Variants in CDH17 observed in about 807,000 individuals in gnomAD.
CDH17 encodes the protein cadherin 17.
CDH17 carries 67 observed loss-of-function variants against 86.3 expected under a neutral mutation model. That is an observed-to-expected ratio of 0.78 (90% CI 0.64 to 0.95). The LOEUF is 0.95. Among genes scored for constraint, CDH17 ranks in the 40% least tolerant of loss-of-function variants. CDH17 has a pLI of 0.00. For missense variants in CDH17, 993 were observed against 1,017.6 expected, an observed-to-expected ratio of 0.98 and a Z score of 0.33; for synonymous variants, 367 against 366.4, an observed-to-expected ratio of 1.00 and a Z score of -0.02.
intron 14 of CDH17, among the ~76,000 whole-genome samples, chr8:94,146,415 C>T (rs1471205239): frequency 6.6e-6 from 1 of 152,200 alleles, no homozygotes; most frequent in Non-Finnish European, 1.5e-5. Context: ...AAACTGAGCT[C>T]AGAAGTTGTG....
At chr8:94,176,741 A>C in intron 4 of CDH17, 62 bp from the exon 5 acceptor site, 3 of 1,523,944 alleles carry the variant, frequency 2.0e-6, no homozygotes, top group Non-Finnish European at 2.7e-6. Context: ...ATGCCCAAAA[A>C]TCACTTGAAG....
intron 15 of CDH17, among the ~76,000 whole-genome samples, chr8:94,131,512 T>C (rs1812414996): frequency 6.6e-6 from 1 of 152,194 alleles, no homozygotes; most frequent in Non-Finnish European, 1.5e-5. Context: ...TGGTGGAAAA[T>C]AATTGCAGTT....
chr8:94,143,015 G>T (rs1300101669), intron 15 of CDH17, among the ~76,000 whole-genome samples: 2 of 152,158 alleles, frequency 1.3e-5, no homozygotes, highest in African/African-American at 4.8e-5. Flanking sequence ...TGTTCTTGAT[G>T]ATATCTAAAC....
intron 3 of CDH17, among the ~76,000 whole-genome samples, chr8:94,186,943 G>A (rs1243775551): frequency 6.6e-6 from 1 of 150,702 alleles, no homozygotes; most frequent in Non-Finnish European, 1.5e-5. Flanking sequence ...CCACATGCCA[G>A]CTGTCATTTT....
At chr8:94,152,733 C>G (rs1438958477) in intron 12 of CDH17, among the ~76,000 whole-genome samples, 4 of 152,150 alleles carry the variant, frequency 2.6e-5, no homozygotes. Context: ...GTTCTAGAGG[C>G]TGGAAAGCCT....
chr8:94,153,417 G>A (rs1275844228), intron 12 of CDH17, among the ~76,000 whole-genome samples: 1 of 152,176 alleles, frequency 6.6e-6, no homozygotes, highest in Non-Finnish European at 1.5e-5. Context: ...TGGTAAGAAT[G>A]TAAATTACAA....
At chr8:94,166,435 C>T (rs1004432147) in intron 9 of CDH17, among the ~76,000 whole-genome samples, 5 of 152,208 alleles carry the variant, frequency 3.3e-5, no homozygotes, top group African/African-American at 7.2e-5. Context: ...TCTTTTAAAA[C>T]CTTATCTCCA....
chr8:94,189,946 TA>T (rs1813655664), intron 2 of CDH17, among the ~76,000 whole-genome samples: 1 of 152,230 alleles, frequency 6.6e-6, no homozygotes, highest in Non-Finnish European at 1.5e-5. Context: ...CTTTAAGCAG[TA>T]GCCCCACAAT....
At chr8:94,165,355 C>A (rs1813131680) in intron 10 of CDH17, among the ~76,000 whole-genome samples, 1 of 152,202 alleles carries the variant, frequency 6.6e-6, no homozygotes, top group Non-Finnish European at 1.5e-5. Flanking sequence ...TTTCCTCAGA[C>A]TGTCCTAGTC....
chr8:94,138,400 T>C (rs1419522998), intron 15 of CDH17, among the ~76,000 whole-genome samples: 1 of 152,208 alleles, frequency 6.6e-6, no homozygotes, highest in Non-Finnish European at 1.5e-5. Context: ...AATTTTATAA[T>C]TGCCTCAGCT....
chr8:94,189,323 A>G (rs1813641856), intron 2 of CDH17, 38 bp from the exon 3 acceptor site: 1 of 1,442,114 alleles, frequency 6.9e-7, no homozygotes, highest in Non-Finnish European at 9.7e-7. Flanking sequence ...ATCTTGTATG[A>G]AGTGTCTGTG....
At chr8:94,128,931 T>C (rs1010042662) in intron 17 of CDH17, among the ~76,000 whole-genome samples, 7 of 152,194 alleles carry the variant, frequency 4.6e-5, no homozygotes, top group African/African-American at 9.6e-5. Flanking sequence ...AAAATTACAC[T>C]GTGCAGCTCA....
intron 1 of CDH17, among the ~76,000 whole-genome samples, chr8:94,199,074 TA>T (rs1563589539): frequency 0.094 from 1,829 of 19,434 alleles, 14 homozygotes; most frequent in Non-Finnish European, 0.16. Context: ...TATATATATA[TA>T]TATATATATT....
chr8:94,130,554 G>C (rs972393855), intron 17 of CDH17, 72 bp downstream of exon 17: 152 of 1,023,680 alleles, frequency 1.5e-4, no homozygotes, highest in Middle Eastern at 2.9e-4. Context: ...AGTCCAGGAA[G>C]ACAGGCCCTG....
chr8:94,153,115 T>C (rs554818569), intron 12 of CDH17, among the ~76,000 whole-genome samples: 1 of 152,212 alleles, frequency 6.6e-6, no homozygotes, highest in East Asian at 1.9e-4. Flanking sequence ...TATTTGCAAA[T>C]ACACATTAGA....
chr8:94,177,912 C>T (rs1198290452), intron 3 of CDH17, among the ~76,000 whole-genome samples, 191 bp from the exon 4 acceptor site: 5 of 152,138 alleles, frequency 3.3e-5, no homozygotes, highest in Admixed American at 1.3e-4. Flanking sequence ...ATACATTTTC[C>T]TCAAGAGACT....
intron 9 of CDH17, among the ~76,000 whole-genome samples, chr8:94,168,195 C>G (rs1365118907): frequency 7.8e-6 from 1 of 128,724 alleles, no homozygotes; most frequent in Non-Finnish European, 1.6e-5. Context: ...ACTCTGTTGT[C>G]TGGGCTGGAG....
At position 94,139,718 on chromosome 8, in the gene CDH17, C is replaced by T. The variant is rs145510021; in HGVS notation, c.2167+6210G>A. 7.0e-3 allele frequency among the ~76,000 whole-genome samples: 1,069 copies of T among 152,066 alleles called. 12 individuals are homozygous for T. Among genetic ancestry groups the T allele is most frequent in the African/African-American group, 0.025 (1,020 of 41,498 alleles). On this transcript the variant is annotated intron_variant, in intron 15 of 17. Coordinates refer to ENST00000027335, the MANE Select transcript of CDH17 (RefSeq NM_004063.4). Reference sequence around the variant, plus strand: ...AGGAGTTTGAGACCAGTCTGGCCAACATGGAAAAACCCTGTCTCTACTAAA... The same window carrying T: ...AGGAGTTTGAGACCAGTCTGGCCAATATGGAAAAACCCTGTCTCTACTAAA...
chr8:94,203,873 A>G (rs1220435681), intron 1 of CDH17, among the ~76,000 whole-genome samples: 1 of 152,200 alleles, frequency 6.6e-6, no homozygotes, highest in Non-Finnish European at 1.5e-5. Context: ...ACATACATAC[A>G]TAAACATAAG....
Sources: allele counts gnomAD v4.1 joint callset (sites outside exome capture counted in the v4.1 genomes callset), GRCh38; gene constraint gnomAD v4.1.1; transcripts MANE v1.5; gene names NCBI Gene and HGNC (gene_info 2026-07-23, HGNC 2026-07-21).